The following GALNT17 variants were observed in gnomAD, a reference collection of about 807,000 sequenced individuals.
GALNT17 encodes the protein polypeptide N-acetylgalactosaminyltransferase 17, also known as UDP-GalNAc:polypeptide N-acetylgalactosaminyltransferase-like 3.
GALNT17 carries 29 observed loss-of-function variants against 63.7 expected under a neutral mutation model. That is an observed-to-expected ratio of 0.46 (90% CI 0.34 to 0.62). The LOEUF (loss-of-function observed/expected upper bound fraction) is 0.62. GALNT17 is among the 20% of genes least tolerant of loss of function. The pLI is 0.01. For synonymous variants in GALNT17, 305 were observed against 318.3 expected (o/e 0.96, Z 0.45); for missense variants, 603 against 799.6 (o/e 0.75, Z 2.97).
At chr7:71,629,076 T>C (rs1790418561) in intron 6 of GALNT17, among the ~76,000 whole-genome samples, 1 of 152,116 alleles carries the variant, frequency 6.6e-6, no homozygotes, top group African/African-American at 2.4e-5. Flanking sequence ...AAGAGGGGTC[T>C]AGAAGGGTCA....
At chr7:71,399,551 T>C (rs1307173681) in intron 3 of GALNT17, among the ~76,000 whole-genome samples, 1 of 152,106 alleles carries the variant, frequency 6.6e-6, no homozygotes, top group African/African-American at 2.4e-5. Context: ...TGGAGGGTTA[T>C]GGTTTTTGTT....
chr7:71,235,362 G>A (rs1055934937), intron 1 of GALNT17, among the ~76,000 whole-genome samples: 1 of 152,036 alleles, frequency 6.6e-6, no homozygotes, highest in South Asian at 2.1e-4. Flanking sequence ...TGCATCACCC[G>A]CAACCGTCAT....
intron 3 of GALNT17, among the ~76,000 whole-genome samples, chr7:71,389,154 G>A (rs1793005236): frequency 6.6e-6 from 1 of 150,700 alleles, no homozygotes; most frequent in South Asian, 2.1e-4. Flanking sequence ...TTTTTTTTGA[G>A]ATGGAGTCTC....
At chr7:71,592,999 A>G (rs2116920438) in intron 6 of GALNT17, among the ~76,000 whole-genome samples, 1 of 152,138 alleles carries the variant, frequency 6.6e-6, no homozygotes, top group East Asian at 1.9e-4. Context: ...GCTTTACAAA[A>G]TTAGCTGGGT....
At chr7:71,449,986 G>A (rs949789454) in intron 5 of GALNT17, among the ~76,000 whole-genome samples, 1 of 150,894 alleles carries the variant, frequency 6.6e-6, no homozygotes, top group East Asian at 2.0e-4. Flanking sequence ...AAGTTGTGGT[G>A]AGCCGAGATC....
chr7:71,655,579 G>A (rs1420593956), intron 6 of GALNT17, among the ~76,000 whole-genome samples: 1 of 152,168 alleles, frequency 6.6e-6, no homozygotes, highest in Non-Finnish European at 1.5e-5. Context: ...ATAGCCCCCT[G>A]TCATTTACAG....
At chr7:71,307,501 C>T (rs537632762) in intron 1 of GALNT17, among the ~76,000 whole-genome samples, 119 of 151,854 alleles carry the variant, frequency 7.8e-4, no homozygotes, top group South Asian at 3.1e-3. Flanking sequence ...GGCATCTAAA[C>T]GGAAAATTAT....
chr7:71,386,871 C>T (rs1194883263), intron 2 of GALNT17, among the ~76,000 whole-genome samples: 1 of 152,062 alleles, frequency 6.6e-6, no homozygotes, highest in Non-Finnish European at 1.5e-5. Context: ...TTTATTTCCT[C>T]TCCTGGAATG....
At chr7:71,663,550 T>A (rs650831) in intron 6 of GALNT17, among the ~76,000 whole-genome samples, 96,478 of 152,020 alleles carry the variant, frequency 0.63, 31,584 homozygotes, top group East Asian at 0.99. Flanking sequence ...CTAGCTGTCC[T>A]GTCCCAGATC....
intron 2 of GALNT17, among the ~76,000 whole-genome samples, chr7:71,336,055 T>C (rs1791899808): frequency 1.6e-5 from 2 of 122,988 alleles, no homozygotes; most frequent in South Asian, 2.6e-4. Context: ...TTTTTTTTTT[T>C]TTTTTTGAGA....
chr7:71,639,124 A>AG (rs1470831685), intron 6 of GALNT17, among the ~76,000 whole-genome samples: 1 of 152,190 alleles, frequency 6.6e-6, no homozygotes, highest in Non-Finnish European at 1.5e-5. Flanking sequence ...TAAATGCTTG[A>AG]GGGGGGATGA....
At chr7:71,599,519 C>A (rs1369576819) in intron 6 of GALNT17, among the ~76,000 whole-genome samples, 1 of 152,036 alleles carries the variant, frequency 6.6e-6, no homozygotes, top group African/African-American at 2.4e-5. Context: ...TAAAAAATAT[C>A]CTTCCCTCTA....
At chr7:71,391,772 T>A (rs1019290916) in intron 3 of GALNT17, among the ~76,000 whole-genome samples, 1 of 152,066 alleles carries the variant, frequency 6.6e-6, no homozygotes, top group African/African-American at 2.4e-5. Context: ...CAGGTGTGAG[T>A]CACCATGCCT....
intron 6 of GALNT17, among the ~76,000 whole-genome samples, chr7:71,605,952 T>C (rs1029052358): frequency 6.6e-6 from 1 of 152,104 alleles, no homozygotes; most frequent in African/African-American, 2.4e-5. Flanking sequence ...GGTTGATTGA[T>C]TGACTGAGAC....
intron 6 of GALNT17, among the ~76,000 whole-genome samples, chr7:71,632,841 T>C (rs1584102590): frequency 6.6e-6 from 1 of 152,094 alleles, no homozygotes; most frequent in Non-Finnish European, 1.5e-5. Context: ...TGGTGGTTCA[T>C]GCCTGTAATC....
chr7:71,499,103 ATT>A (rs34491130), intron 5 of GALNT17, among the ~76,000 whole-genome samples: 4 of 149,976 alleles, frequency 2.7e-5, no homozygotes, highest in East Asian at 2.0e-4. Flanking sequence ...ACAGCGAAGC[ATT>A]TTTTTTTTTA....
intron 1 of GALNT17, among the ~76,000 whole-genome samples, chr7:71,277,734 G>C (rs1291389856): frequency 6.6e-6 from 1 of 152,220 alleles, no homozygotes; most frequent in Admixed American, 6.5e-5. Flanking sequence ...GTAGACAGCT[G>C]TCCAGAGGAG....
intron 6 of GALNT17, among the ~76,000 whole-genome samples, chr7:71,592,496 AAAAATAAAATAAAATAAAAT>A (rs374557191): frequency 2.2e-5 from 2 of 90,964 alleles, no homozygotes; most frequent in African/African-American, 8.5e-5. Context: ...ACTCCATTTC[AAAAATAAAATAAAATAAAAT>A]AAAATAAAAT....
chr7:71,690,019 C>CTTTT (rs36049127), intron 9 of GALNT17, among the ~76,000 whole-genome samples: 17 of 142,820 alleles, frequency 1.2e-4, no homozygotes, highest in Non-Finnish European at 1.5e-4. Flanking sequence ...TACTGAATAT[C>CTTTT]TTTTTTTTTT....
Sources: gnomAD v4.1 joint callset for allele counts (sites outside exome capture counted in the v4.1 genomes callset) on GRCh38, gnomAD v4.1.1 for gene constraint, MANE v1.5 for transcripts, NCBI Gene and HGNC (gene_info 2026-07-23, HGNC 2026-07-21) for gene names.